The following AGBL3 variants were observed in gnomAD, a reference collection of about 807,000 sequenced individuals.
AGBL3 encodes the protein AGBL carboxypeptidase 3.
In AGBL3, 68 loss-of-function variants were observed where a neutral mutation model predicts 94.5. The ratio of observed to expected loss-of-function variants is 0.72; its 90% confidence interval spans 0.59 to 0.88. AGBL3 has a LOEUF of 0.88. Among genes scored for constraint, AGBL3 ranks in the 40% least tolerant of loss-of-function variants. AGBL3 has a pLI of 0.00. For synonymous variants in AGBL3, 354 were observed against 370.7 expected, an observed-to-expected ratio of 0.95 and a Z score of 0.52; for missense variants, 934 against 1,103.8, an observed-to-expected ratio of 0.85 and a Z score of 2.18.
At chr7:135,042,180 G>A (rs1044920838) in intron 8 of AGBL3, among the ~76,000 whole-genome samples, 2 of 152,082 alleles carry the variant, frequency 1.3e-5, no homozygotes, top group African/African-American at 4.8e-5. Flanking sequence ...ATTTACCCTT[G>A]AGAAATGAAA....
rs186845760 is a variant in AGBL3, at chr7:135,058,948, G to A, written c.1842-221G>A. The stretch of plus-strand genomic sequence containing the variant: ...ATTTTTGCATTTTTAGCAGAGACAG[G>A]GTTTCACCATGTTGGTCAGGCTGGT... On this transcript the variant is annotated intron_variant, in intron 11 of 16. Transcript: ENST00000436302. 4.7e-3 allele frequency among the ~76,000 whole-genome samples: 715 copies of A among 152,150 alleles called. 9 individuals carry two copies. Among genetic ancestry groups the A allele is most frequent in the Middle Eastern group, 0.017 (5 of 294 alleles).
intron 12 of AGBL3, among the ~76,000 whole-genome samples, chr7:135,070,723 T>A (rs1198578073): frequency 1.3e-5 from 2 of 151,876 alleles, no homozygotes; most frequent in African/African-American, 4.8e-5. Flanking sequence ...ATGGGACGTA[T>A]CTCAAAATAA....
At chr7:135,061,090 C>G (rs538141423) in intron 12 of AGBL3, among the ~76,000 whole-genome samples, 129 of 151,060 alleles carry the variant, frequency 8.5e-4, no homozygotes, top group African/African-American at 3.1e-3. Flanking sequence ...GCCACTCTAA[C>G]AGGCATGAGG....
At chr7:135,101,347 C>G (rs2117030286) in intron 15 of AGBL3, 1 of 423,572 alleles carries the variant, frequency 2.4e-6, no homozygotes, top group South Asian at 1.7e-5. Flanking sequence ...TCATCATTAA[C>G]ATATCCTATG....
chr7:135,059,762 G>A (rs1818664038), intron 12 of AGBL3, among the ~76,000 whole-genome samples: 1 of 152,188 alleles, frequency 6.6e-6, no homozygotes, highest in Non-Finnish European at 1.5e-5. Context: ...AAGAGTTTAG[G>A]TGGAGATTGC....
In AGBL3 at chr7:135,032,866, G is replaced by A. The variant is rs780847001; in HGVS notation, c.441G>A (p.Val147=). The part of the protein sequence containing the change: ...AEDAYKEPCF[V]YSRVGGNRTP... ...CAGCTTACAAAGAGCCCTGTTTTGT[G>A]TATTCCCGAGTTGGGGGTAACCGAA... is the stretch of plus-strand genomic sequence containing the variant. The change falls in exon 6 of 17, where the codon GTG becomes GTA. Residue 147 remains valine (V), a synonymous_variant. Coordinates refer to ENST00000436302, the MANE Select transcript of AGBL3 (RefSeq NM_178563.4). 3.0e-5 allele frequency: 47 copies of A among 1,549,182 alleles called. No individual in the cohort carries two copies. The highest frequency in any genetic ancestry group is 3.8e-5 in the Non-Finnish European group (43 of 1,145,986).
chr7:135,037,524 T>C lies in AGBL3; in HGVS notation c.1444T>C (p.Leu482=). Residue 482 remains leucine, a synonymous_variant, in exon 8 of 17, where the codon TTA becomes CTA. Transcript: ENST00000436302. The part of the protein sequence containing the change: ...GCDGSDRSKT[L]YLQQRIFPLM... ...TGATGGTAGTGACAGATCTAAGACA[T>C]TATACTTACAGCAACGAATCTTCCC... 1 of 1,547,218 alleles carries C rather than the reference T, an allele frequency of 6.5e-7. No individual in the cohort carries two copies. The highest frequency in any genetic ancestry group is 8.7e-7 in the Non-Finnish European group (1 of 1,144,890).
intron 8 of AGBL3, among the ~76,000 whole-genome samples, chr7:135,041,185 T>A (rs142568001): frequency 2.0e-5 from 3 of 152,182 alleles, no homozygotes; most frequent in Non-Finnish European, 2.9e-5. Context: ...CACAGTAAAA[T>A]ATCAACTCCC....
chr7:135,076,356 T>C lies in AGBL3; in HGVS notation c.1909-41T>C, dbSNP rs1359531562. Reference sequence around the variant, plus strand: ...ATGTCTGCATATGTACTCTTTGATATGTTGATTAAATATTGATTTTAAGTA... The same window carrying C: ...ATGTCTGCATATGTACTCTTTGATACGTTGATTAAATATTGATTTTAAGTA... On this transcript the variant is annotated intron_variant, in intron 12 of 16. Transcript: ENST00000436302. 6 of 1,364,240 alleles carry C rather than the reference T, an allele frequency of 4.4e-6. 1 individual carries two copies. The highest frequency in any genetic ancestry group is 5.1e-6 in the Non-Finnish European group (5 of 978,938). 84.5% of individuals were successfully genotyped at this position (1,364,240 alleles called of 1,614,324 possible). A position where few individuals can be genotyped will look rare whatever the true frequency, so the allele number is the denominator to read the frequency against.
intron 4 of AGBL3, among the ~76,000 whole-genome samples, chr7:135,007,163 A>G (rs908088276): frequency 2.6e-5 from 4 of 151,966 alleles, no homozygotes; most frequent in Non-Finnish European, 5.9e-5. Flanking sequence ...CAATAATAGA[A>G]GAGGAAGGAA....
intron 15 of AGBL3, chr7:135,099,813 C>T (rs1193834443): frequency 6.6e-6 from 1 of 151,348 alleles, no homozygotes; most frequent in Non-Finnish European, 1.5e-5. Flanking sequence ...CAGACTACCC[C>T]AATAGATGCT....
At chr7:135,090,197 G>A (rs1821657725) in intron 15 of AGBL3, among the ~76,000 whole-genome samples, 1 of 152,128 alleles carries the variant, frequency 6.6e-6, no homozygotes. Flanking sequence ...GGAATAGTGA[G>A]GGTCAGTATA....
intron 15 of AGBL3, among the ~76,000 whole-genome samples, chr7:135,097,206 C>T (rs1330008637): frequency 6.6e-6 from 1 of 152,068 alleles, no homozygotes; most frequent in Non-Finnish European, 1.5e-5. Flanking sequence ...AATATCCCGT[C>T]GGTCAACAAA....
intron 5 of AGBL3, among the ~76,000 whole-genome samples, chr7:135,027,373 CT>C (rs569893248): frequency 5.1e-4 from 77 of 151,498 alleles, no homozygotes; most frequent in Middle Eastern, 6.8e-3. Context: ...AATATTATAC[CT>C]TTTTTTGTTT....
At chr7:135,084,656 G>GCCA (rs1226377333) in intron 15 of AGBL3, among the ~76,000 whole-genome samples, 3 of 152,076 alleles carry the variant, frequency 2.0e-5, no homozygotes, top group African/African-American at 7.2e-5. Context: ...CATCAATGTT[G>GCCA]CCACAGATGA....
chr7:135,065,486 G>C (rs952393507), intron 12 of AGBL3, among the ~76,000 whole-genome samples: 3 of 152,168 alleles, frequency 2.0e-5, no homozygotes, highest in Non-Finnish European at 4.4e-5. Flanking sequence ...CAGACACACA[G>C]CACAATGGAG....
In AGBL3 at chr7:135,044,147, T is replaced by G. The variant is rs1342304245; in HGVS notation, c.1623T>G (p.Thr541=). 2 of 1,549,368 alleles carry G rather than the reference T, an allele frequency of 1.3e-6. No individual in the cohort carries two copies. Among genetic ancestry groups the G allele is most frequent in the African/African-American group, 1.4e-5 (1 of 72,980 alleles). ...FTMEATFCGS[T]LGNKRGTHFS... ...TGGAGGCCACCTTCTGTGGATCTACTCTGGGTAAGACCAAGGGTTCTCATT... is the reference window on the plus strand; with the variant it reads ...TGGAGGCCACCTTCTGTGGATCTACGCTGGGTAAGACCAAGGGTTCTCATT... The change falls in exon 9 of 17, where the codon ACT becomes ACG. Residue 541 remains threonine, a synonymous_variant. Transcript: ENST00000436302.
chr7:135,062,012 G>C (rs973039382), intron 12 of AGBL3, among the ~76,000 whole-genome samples: 2 of 151,916 alleles, frequency 1.3e-5, no homozygotes, highest in African/African-American at 4.8e-5. Flanking sequence ...TGATCCATGA[G>C]CACAAGATAT....
chr7:135,055,568 T>C (rs963355656), intron 11 of AGBL3, among the ~76,000 whole-genome samples: 1 of 152,214 alleles, frequency 6.6e-6, no homozygotes, highest in African/African-American at 2.4e-5. Flanking sequence ...TTACATCAAC[T>C]GATTTTTGAA....
Sources: allele counts gnomAD v4.1 joint callset (sites outside exome capture counted in the v4.1 genomes callset), GRCh38; gene constraint gnomAD v4.1.1; transcripts MANE v1.5; gene names NCBI Gene and HGNC (gene_info 2026-07-23, HGNC 2026-07-21).